The following NEK10 variants were observed in gnomAD, a reference collection of about 807,000 sequenced individuals.
NEK10 encodes NIMA related kinase 10.
A neutral mutation model predicts 159.8 loss-of-function variants in NEK10; 122 were observed. That is an observed-to-expected ratio of 0.76 (90% CI 0.66 to 0.89). The LOEUF is 0.89. Ranked by LOEUF, NEK10 falls within the 40% of genes least tolerant of loss-of-function variation. The pLI, the probability that NEK10 is intolerant of heterozygous loss-of-function variation, is 0.00. For missense variants in NEK10, 1,342 were observed against 1,323.1 expected, an observed-to-expected ratio of 1.01 and a Z score of -0.22; for synonymous variants, 466 against 457.1, an observed-to-expected ratio of 1.02 and a Z score of -0.25.
Position 27,291,330 on chromosome 3 carries a change from A to C in NEK10, c.1537T>G (p.Leu513Val), listed in dbSNP as rs775277439. Reference protein sequence around the residue: ...IESINQNKAPLKYIGNYAILD... With the variant: ...IESINQNKAPVKYIGNYAILD... Reference sequence around the variant, plus strand: ...ATTGCATAGTTGCCTATATATTTCAAAGGAGCTTTGTTCTGATTAATGCTT... The same window carrying C: ...ATTGCATAGTTGCCTATATATTTCACAGGAGCTTTGTTCTGATTAATGCTT... The change falls in exon 18 of 36, where the codon TTG (leucine) becomes GTG (valine). Residue 513 changes from leucine (L) to valine (V), a missense_variant. Physicochemically the swap from Leu to Val is conservative, Grantham distance 32. Coordinates refer to ENST00000691995, the MANE Select transcript of NEK10 (RefSeq NM_001394966.1). 3 of 1,613,384 alleles carry C rather than the reference A, an allele frequency of 1.9e-6. No individual in the cohort carries two copies. In the Admixed American group the frequency reaches 5.0e-5, roughly 27 times the overall value.
chr3:27,314,532 G>T (rs995413459), intron 6 of NEK10, among the ~76,000 whole-genome samples, 194 bp from the exon 7 acceptor site: 1 of 152,056 alleles, frequency 6.6e-6, no homozygotes, highest in East Asian at 1.9e-4. Flanking sequence ...AAATATGAAA[G>T]TTGGGTTGAG....
intron 22 of NEK10, among the ~76,000 whole-genome samples, chr3:27,273,016 A>G (rs2041492357): frequency 6.6e-6 from 1 of 152,204 alleles, no homozygotes; most frequent in Admixed American, 6.5e-5. Flanking sequence ...AGCCTCTGTG[A>G]CAAATGGTGA....
chr3:27,317,741 A>T (rs2045312077), intron 6 of NEK10, among the ~76,000 whole-genome samples: 1 of 152,134 alleles, frequency 6.6e-6, no homozygotes, highest in African/African-American at 2.4e-5. Flanking sequence ...TGACATGACC[A>T]TTTACTCCTC....
At chr3:27,256,978 C>T (rs1408017168) in intron 22 of NEK10, among the ~76,000 whole-genome samples, 4 of 141,052 alleles carry the variant, frequency 2.8e-5, no homozygotes, top group African/African-American at 8.3e-5. Context: ...TGCAGTGGTG[C>T]GATCTCGGCT....
chr3:27,215,647 G>C, intron 23 of NEK10: 1 of 545,806 alleles, frequency 1.8e-6, no homozygotes, highest in Non-Finnish European at 3.3e-6. Context: ...CACATTTAAA[G>C]AGTGTATGAA....
chr3:27,201,260 C>G (rs1018154875), intron 25 of NEK10, among the ~76,000 whole-genome samples: 3 of 152,118 alleles, frequency 2.0e-5, no homozygotes, highest in African/African-American at 7.2e-5. Flanking sequence ...ATGTGTTTTA[C>G]AGGTTGTTAC....
intron 23 of NEK10, among the ~76,000 whole-genome samples, chr3:27,239,167 A>G (rs1460873392): frequency 1.3e-5 from 2 of 151,806 alleles, no homozygotes; most frequent in Non-Finnish European, 2.9e-5. Flanking sequence ...AATTGGCTAA[A>G]ATGAATTAAG....
intron 5 of NEK10, among the ~76,000 whole-genome samples, chr3:27,328,676 G>C (rs2046187719): frequency 6.6e-6 from 1 of 152,176 alleles, no homozygotes; most frequent in African/African-American, 2.4e-5. Flanking sequence ...TCACTGGAAG[G>C]CTCTGGGGAG....
At chr3:27,361,718 T>C (rs1345726827) in intron 1 of NEK10, among the ~76,000 whole-genome samples, 1 of 152,200 alleles carries the variant, frequency 6.6e-6, no homozygotes, top group Admixed American at 6.5e-5. Flanking sequence ...CCTAGAACTT[T>C]CACAAGTGAA....
chr3:27,126,819 T>C (rs1942015523), intron 32 of NEK10, among the ~76,000 whole-genome samples: 1 of 151,916 alleles, frequency 6.6e-6, no homozygotes, highest in Admixed American at 6.6e-5. Context: ...GCCCCTATTG[T>C]GTCTTAGTGC....
intron 22 of NEK10, among the ~76,000 whole-genome samples, chr3:27,277,041 TC>T (rs2041823521): frequency 6.6e-6 from 1 of 152,196 alleles, no homozygotes; most frequent in South Asian, 2.1e-4. Context: ...TGGAAGATTT[TC>T]TTTAACAGTA....
At position 27,306,342 on chromosome 3, in the gene NEK10, G is replaced by A. The variant is rs6809900; in HGVS notation, c.804-1371C>T. 7.5e-3 allele frequency among the ~76,000 whole-genome samples: 1,141 copies of A among 152,022 alleles called. 19 individuals are homozygous for A. Among genetic ancestry groups the A allele is most frequent in the African/African-American group, 0.026 (1,066 of 41,436 alleles). On this transcript the variant is annotated intron_variant, in intron 11 of 35. Transcript: ENST00000691995. ...CTCTCCAATATTCTCATTCTCATAC[G>A]GCTTTCTCATTCCTTTCCCCTGAGC...
At chr3:27,349,754 T>G (rs2047833791) in intron 3 of NEK10, among the ~76,000 whole-genome samples, 1 of 152,158 alleles carries the variant, frequency 6.6e-6, no homozygotes, top group Admixed American at 6.5e-5. Flanking sequence ...CCAATCAGCT[T>G]TGTAGTTTCA....
rs1209749014 is a variant in NEK10 at position 27,110,957 on chromosome 3, G to T, written c.*315C>A. The T allele has an allele frequency of 8.3e-6, 2 of 240,232 alleles. No individual in the cohort carries two copies. The highest frequency in any genetic ancestry group is 1.6e-4 in the East Asian group (2 of 12,502). The allele number at this position is 240,232 out of a possible 1,614,324, so 14.9% of individuals were successfully genotyped here. A position where few individuals can be genotyped will look rare whatever the true frequency, so the allele number is the denominator to read the frequency against. ...TAATGTTAAGGAAAATTCTGTAAGA[G>T]AGTTTTTTTGTTGTTGTTTTTGGGT... is the stretch of plus-strand genomic sequence containing the variant. On this transcript the variant is annotated 3_prime_UTR_variant, in exon 36 of 36. Transcript: ENST00000691995.
chr3:27,114,443 C>A (rs1325941433), intron 35 of NEK10, among the ~76,000 whole-genome samples: 2 of 152,024 alleles, frequency 1.3e-5, no homozygotes. Flanking sequence ...CACAACAGAT[C>A]TAAATTTATA....
rs1223963821 is a variant in NEK10, at chr3:27,285,036, T to C, written c.1790-75A>G. ...TCTTGAAAAACTTTACGAATGAGAG[T>C]TCAAGCTTCCCAGTGTCTGTGCGGG... On this transcript the variant is annotated intron_variant, in intron 20 of 35. Coordinates refer to ENST00000691995, the MANE Select transcript of NEK10 (RefSeq NM_001394966.1). The C allele has an allele frequency of 3.5e-6, 4 of 1,154,320 alleles. No homozygotes were observed. In the Admixed American group the frequency reaches 7.5e-5, roughly 22 times the overall value. 71.5% of individuals were successfully genotyped at this position (1,154,320 alleles called of 1,614,324 possible). A position where few individuals can be genotyped will look rare whatever the true frequency, so the allele number is the denominator to read the frequency against.
At chr3:27,306,390 C>T (rs183965388) in intron 11 of NEK10, among the ~76,000 whole-genome samples, 19 of 152,280 alleles carry the variant, frequency 1.2e-4, no homozygotes, top group Admixed American at 1.2e-3. Context: ...GCTCCTCTCC[C>T]TCCCAAATTT....
At chr3:27,296,749 C>G (rs1300355436) in intron 14 of NEK10, among the ~76,000 whole-genome samples, 2 of 152,050 alleles carry the variant, frequency 1.3e-5, no homozygotes, top group African/African-American at 2.4e-5. Flanking sequence ...GTGGATTATA[C>G]TTTGCAAAAT....
At chr3:27,266,906 A>T (rs773430026) in intron 22 of NEK10, among the ~76,000 whole-genome samples, 1 of 152,170 alleles carries the variant, frequency 6.6e-6, no homozygotes, top group Non-Finnish European at 1.5e-5. Context: ...CTTCGTAGAC[A>T]GTTCCACTGG....
Sources: allele counts gnomAD v4.1 joint callset (sites outside exome capture counted in the v4.1 genomes callset), GRCh38; gene constraint gnomAD v4.1.1; transcripts MANE v1.5; gene names NCBI Gene and HGNC (gene_info 2026-07-23, HGNC 2026-07-21).